Variants in SORCS1 observed in about 807,000 individuals in gnomAD.
SORCS1 encodes sortilin related VPS10 domain containing receptor 1, also known as VPS10 domain-containing receptor SorCS1.
Under a neutral mutation model 146.1 loss-of-function variants are expected in SORCS1, and 60 were observed. That is an observed-to-expected ratio of 0.41 (90% CI 0.33 to 0.51). The LOEUF (loss-of-function observed/expected upper bound fraction) is 0.51, where lower values mean the gene tolerates loss of function less well. SORCS1 is among the 20% of genes least tolerant of loss of function. The pLI, the probability that SORCS1 is intolerant of heterozygous loss-of-function variation, is 0.21. For synonymous variants in SORCS1, 637 were observed against 584.0 expected (o/e 1.09, Z -1.31); for missense variants, 1,352 against 1,487.6 (o/e 0.91, Z 1.50).
chr10:107,073,872 C>CT lies in SORCS1; in HGVS notation c.558+90096dup, dbSNP rs57299410. 4.2e-3 allele frequency among the ~76,000 whole-genome samples: 627 copies of CT among 148,086 alleles called. 3 individuals are homozygous for CT. Among genetic ancestry groups the CT allele is most frequent in the African/African-American group, 0.014 (567 of 40,324 alleles). The stretch of plus-strand genomic sequence containing the variant: ...AAATAACATTTCACCTGGGCTTGGA[C>CT]TTTTTTTTTTTAACATAGAATTTAT... On this transcript the variant is annotated intron_variant, in intron 1 of 25. Coordinates refer to ENST00000263054, the MANE Select transcript of SORCS1 (RefSeq NM_052918.5).
intron 1 of SORCS1, among the ~76,000 whole-genome samples, chr10:107,082,356 T>A (rs1267043233): frequency 1.3e-5 from 2 of 152,232 alleles, no homozygotes; most frequent in Non-Finnish European, 2.9e-5. Flanking sequence ...TTTTTTGTTA[T>A]TGGTGTTTAT....
At chr10:107,042,040 T>C (rs1307158085) in intron 1 of SORCS1, among the ~76,000 whole-genome samples, 1 of 152,164 alleles carries the variant, frequency 6.6e-6, no homozygotes, top group East Asian at 1.9e-4. Context: ...AGCAAAGAGA[T>C]GGTAGCCTTT....
At chr10:107,180,656 A>G in the SORCS1 span, among the ~76,000 whole-genome samples, 1 of 151,942 alleles carries the variant, frequency 6.6e-6, no homozygotes. Context: ...TCATTTGTAT[A>G]TTTATTCTTA....
intron 18 of SORCS1, among the ~76,000 whole-genome samples, chr10:106,631,317 T>G (rs1334756234): frequency 6.6e-6 from 1 of 152,232 alleles, no homozygotes; most frequent in African/African-American, 2.4e-5. Flanking sequence ...CATTGTGCAC[T>G]TACTTGAATT....
At chr10:106,814,730 TG>T (rs1947645363) in intron 3 of SORCS1, among the ~76,000 whole-genome samples, 2 of 151,736 alleles carry the variant, frequency 1.3e-5, no homozygotes, top group East Asian at 2.0e-4. Context: ...CTGGCTAACG[TG>T]GTGAAACCGC....
the SORCS1 span, among the ~76,000 whole-genome samples, chr10:107,174,770 G>A: frequency 6.6e-6 from 1 of 151,850 alleles, no homozygotes; most frequent in Non-Finnish European, 1.5e-5. Flanking sequence ...CCATTGATTG[G>A]TTGATGATTG....
chr10:106,843,194 T>C (rs886865290), intron 2 of SORCS1, among the ~76,000 whole-genome samples: 2 of 152,170 alleles, frequency 1.3e-5, no homozygotes, highest in African/African-American at 4.8e-5. Context: ...TGAAGTATCC[T>C]GAACTTATTC....
At chr10:106,849,144 T>C (rs1949436808) in intron 2 of SORCS1, among the ~76,000 whole-genome samples, 2 of 146,492 alleles carry the variant, frequency 1.4e-5, no homozygotes, top group Admixed American at 1.4e-4. Context: ...CCTTGCTAGA[T>C]TGGGGAAGTT....
chr10:106,991,781 A>G (rs1956781661), intron 1 of SORCS1, among the ~76,000 whole-genome samples: 1 of 152,232 alleles, frequency 6.6e-6, no homozygotes, highest in African/African-American at 2.4e-5. Context: ...AAGACAGACA[A>G]GGAAAGAGGA....
chr10:107,064,252 A>G (rs1280272062), intron 1 of SORCS1, among the ~76,000 whole-genome samples: 2 of 152,144 alleles, frequency 1.3e-5, no homozygotes, highest in African/African-American at 4.8e-5. Context: ...CTAAACCCCG[A>G]TCTGGAAGGG....
At chr10:106,992,345 T>C (rs1387811406) in intron 1 of SORCS1, among the ~76,000 whole-genome samples, 1 of 152,192 alleles carries the variant, frequency 6.6e-6, no homozygotes, top group Non-Finnish European at 1.5e-5. Context: ...AGGCTGGTTT[T>C]GGACTTAAAA....
chr10:106,837,484 A>T (rs1363256507), intron 2 of SORCS1, among the ~76,000 whole-genome samples: 1 of 151,756 alleles, frequency 6.6e-6, no homozygotes, highest in Non-Finnish European at 1.5e-5. Flanking sequence ...GATTGAATAA[A>T]GACAGTACTG....
intron 2 of SORCS1, among the ~76,000 whole-genome samples, chr10:106,865,313 C>T (rs933196230): frequency 6.6e-6 from 1 of 152,226 alleles, no homozygotes; most frequent in Non-Finnish European, 1.5e-5. Context: ...GAGGGGCAGG[C>T]AGCCATGTTT....
In SORCS1 at chr10:106,709,204, A is replaced by C. The variant is rs1589710363; in HGVS notation, c.1143+19T>G. 2 of 1,560,962 alleles carry C rather than the reference A, an allele frequency of 1.3e-6. No individual in the cohort carries two copies. Among genetic ancestry groups the C allele is most frequent in the Admixed American group, 1.7e-5 (1 of 59,706 alleles). On this transcript the variant is annotated intron_variant, in intron 7 of 25. Transcript: ENST00000263054. ...AAGAAAGGTTTCTGAGACAATCAAC[A>C]GAAGTGGATTTTTCCTACCTGAACA...
At chr10:107,038,065 T>C (rs926566289) in intron 1 of SORCS1, among the ~76,000 whole-genome samples, 1 of 152,090 alleles carries the variant, frequency 6.6e-6, no homozygotes, top group African/African-American at 2.4e-5. Context: ...TCAGGTGATC[T>C]GCCCGCCTCA....
At chr10:106,814,832 G>C (rs908287079) in intron 3 of SORCS1, among the ~76,000 whole-genome samples, 1 of 127,590 alleles carries the variant, frequency 7.8e-6, no homozygotes, top group East Asian at 2.6e-4. Context: ...GGAGAATGAC[G>C]TAAACCTGGG....
intron 1 of SORCS1, among the ~76,000 whole-genome samples, chr10:107,147,432 C>T (rs1397884704): frequency 6.6e-6 from 1 of 152,154 alleles, no homozygotes; most frequent in Non-Finnish European, 1.5e-5. Flanking sequence ...CCCCTACCCT[C>T]CCTGCCACAA....
At chr10:106,798,245 G>C (rs887445999) in intron 3 of SORCS1, among the ~76,000 whole-genome samples, 1 of 152,148 alleles carries the variant, frequency 6.6e-6, no homozygotes, top group African/African-American at 2.4e-5. Flanking sequence ...CCAGCCCCGT[G>C]CAACTTTAAG....
rs71482493 is a variant in SORCS1 at position 106,844,564 on chromosome 10, CT to C, written c.627-14892del. 7.9e-3 allele frequency among the ~76,000 whole-genome samples: 1,129 copies of C among 142,576 alleles called. 21 individuals are homozygous for C. Among genetic ancestry groups the C allele is most frequent in the East Asian group, 0.041 (202 of 4,928 alleles). The allele number at this position is 142,576 out of a possible 152,430, so 93.5% of individuals were successfully genotyped here. ...TTCTCCAACACCATTTACTGAATTT[CT>C]TTTTTTTTTTAATTATTATTTTTTT... On this transcript the variant is annotated intron_variant, in intron 2 of 25. Coordinates refer to ENST00000263054, the MANE Select transcript of SORCS1 (RefSeq NM_052918.5).
Sources: allele counts gnomAD v4.1 joint callset (sites outside exome capture counted in the v4.1 genomes callset), GRCh38; gene constraint gnomAD v4.1.1; transcripts MANE v1.5; gene names NCBI Gene and HGNC (gene_info 2026-07-23, HGNC 2026-07-21).